Variants in ENPEP observed in about 807,000 individuals in gnomAD.
ENPEP encodes glutamyl aminopeptidase.
A neutral mutation model predicts 114.5 loss-of-function variants in ENPEP; 103 were observed. The observed-to-expected ratio is 0.90, with a 90% confidence interval of 0.77 to 1.06. The LOEUF (loss-of-function observed/expected upper bound fraction) is 1.06, where lower values mean the gene tolerates loss of function less well. Ranked by LOEUF, ENPEP falls within the 50% of genes least tolerant of loss-of-function variation. ENPEP has a pLI of 0.00. For synonymous variants in ENPEP, 420 were observed against 422.0 expected (o/e 1.00, Z 0.06); for missense variants, 1,196 against 1,161.3 (o/e 1.03, Z -0.43).
At chr4:110,546,457 G>A (rs1727062245) in intron 13 of ENPEP, among the ~76,000 whole-genome samples, 3 of 152,056 alleles carry the variant, frequency 2.0e-5, no homozygotes, top group South Asian at 4.2e-4. Flanking sequence ...AGAGTATGCT[G>A]GCTGACAAGG....
intron 6 of ENPEP, 50 bp from the exon 7 acceptor site, chr4:110,513,365 A>G: frequency 6.4e-7 from 1 of 1,558,670 alleles, no homozygotes; most frequent in Non-Finnish European, 8.7e-7. Context: ...TAGTTTATAA[A>G]CTAGTATAAA....
chr4:110,541,990 A>G (rs1316965968), intron 11 of ENPEP, among the ~76,000 whole-genome samples: 2 of 152,162 alleles, frequency 1.3e-5, no homozygotes, highest in East Asian at 1.9e-4. Context: ...TCTAAAATCT[A>G]TACAATAGAG....
chr4:110,490,072 G>T (rs1724647785), intron 2 of ENPEP, among the ~76,000 whole-genome samples: 1 of 152,056 alleles, frequency 6.6e-6, no homozygotes, highest in Non-Finnish European at 1.5e-5. Flanking sequence ...GATGAAGGTG[G>T]GGGGAAAAAA....
At chr4:110,491,809 C>T (rs148994611) in intron 3 of ENPEP, among the ~76,000 whole-genome samples, 1,808 of 151,140 alleles carry the variant, frequency 0.012, 31 homozygotes, top group African/African-American at 0.042. Context: ...CAACCTCCAC[C>T]TCCCGGGTTC....
chr4:110,561,339 G>C, intron 19 of ENPEP, 67 bp from the exon 20 acceptor site: 1 of 1,542,412 alleles, frequency 6.5e-7, no homozygotes, highest in South Asian at 1.2e-5. Context: ...TCCAGTTTGT[G>C]AATGAAATTC....
At chr4:110,541,954 A>C (rs983878044) in intron 11 of ENPEP, among the ~76,000 whole-genome samples, 6 of 152,172 alleles carry the variant, frequency 3.9e-5, no homozygotes, top group Non-Finnish European at 8.8e-5. Flanking sequence ...CTAAAACATA[A>C]GTCTCTGCTC....
rs1578391518 is a variant in ENPEP at position 110,488,688 on chromosome 4, T to A, written c.786+6T>A. On this transcript the variant is annotated splice_donor_region_variant and intron_variant, in intron 2 of 19. Coordinates refer to ENST00000265162, the MANE Select transcript of ENPEP (RefSeq NM_001977.4). ...TTTCAAATATGCCAGTGGCGGTAAG[T>A]ATTTTTTAAATGTTTTGTTTATGCA... The A allele has an allele frequency of 6.2e-7, 1 of 1,605,298 alleles. No homozygotes were observed. The highest frequency in any genetic ancestry group is 8.5e-7 in the Non-Finnish European group (1 of 1,177,434).
chr4:110,546,699 GA>G (rs1277877111), intron 13 of ENPEP, among the ~76,000 whole-genome samples: 1 of 152,036 alleles, frequency 6.6e-6, no homozygotes, highest in South Asian at 2.1e-4. Flanking sequence ...TTGCAGAGAT[GA>G]CCAGAGAACA....
chr4:110,533,021 A>C (rs1726465422), intron 11 of ENPEP: 1 of 425,946 alleles, frequency 2.3e-6, no homozygotes, highest in Non-Finnish European at 4.7e-6. Flanking sequence ...TTAGAATTCC[A>C]CTGGAAGGTT....
At chr4:110,553,597 C>A (rs1048613742) in intron 18 of ENPEP, 142 bp downstream of exon 18, 3 of 786,912 alleles carry the variant, frequency 3.8e-6, no homozygotes, top group Non-Finnish European at 5.5e-6. Flanking sequence ...ATGGTATTAT[C>A]CTTCCAGGGA....
intron 3 of ENPEP, among the ~76,000 whole-genome samples, chr4:110,503,670 G>A (rs1016361409): frequency 2.6e-5 from 4 of 152,162 alleles, no homozygotes; most frequent in Admixed American, 2.6e-4. Context: ...TCTCATCTGT[G>A]TGGGCTGACT....
intron 3 of ENPEP, among the ~76,000 whole-genome samples, chr4:110,499,539 C>A (rs568082570): frequency 1.6e-4 from 24 of 152,154 alleles, no homozygotes; most frequent in African/African-American, 5.8e-4. Flanking sequence ...ACCCTCATGG[C>A]CAGTTGTATG....
intron 1 of ENPEP, among the ~76,000 whole-genome samples, chr4:110,480,760 A>G (rs1186464175): frequency 2.0e-5 from 3 of 152,220 alleles, no homozygotes; most frequent in African/African-American, 7.2e-5. Flanking sequence ...TTAGAATTCC[A>G]CATTGTCTTT....
chr4:110,543,053 T>G lies in ENPEP; in HGVS notation c.1983T>G (p.Asp661Glu). Residue 661 changes from aspartate to glutamate, a missense_variant, in exon 13 of 20, where the codon GAT becomes GAG. Physicochemically the swap from Asp to Glu is conservative, Grantham distance 45 (BLOSUM62 2). Coordinates refer to ENST00000265162, the MANE Select transcript of ENPEP (RefSeq NM_001977.4). ...SSADRASLID[D>E]AFALARAQLL... ...CAGATCGTGCAAGTCTTATTGATGA[T>G]GCTTTTGCCTTGGCAAGGTGCGTTT... The G allele has an allele frequency of 6.2e-7, 1 of 1,613,208 alleles. No homozygotes were observed.
chr4:110,509,559 A>C, intron 4 of ENPEP, 94 bp from the exon 5 acceptor site: 4 of 1,462,528 alleles, frequency 2.7e-6, no homozygotes, highest in Non-Finnish European at 3.7e-6. Context: ...TTAGGCTTTT[A>C]AAAAACATTC....
At chr4:110,540,049 A>G (rs1356530997) in intron 11 of ENPEP, among the ~76,000 whole-genome samples, 1 of 152,146 alleles carries the variant, frequency 6.6e-6, no homozygotes, top group Admixed American at 6.6e-5. Flanking sequence ...TTCTAGAAAG[A>G]GCTCCTACTC....
intron 6 of ENPEP, chr4:110,512,615 G>A (rs1481629682): frequency 6.6e-6 from 1 of 152,158 alleles, no homozygotes; most frequent in Non-Finnish European, 1.5e-5. Context: ...TAGTGATTTA[G>A]CAGAGTTAGA....
intron 8 of ENPEP, among the ~76,000 whole-genome samples, chr4:110,518,523 C>T (rs1239038823): frequency 6.6e-6 from 1 of 152,164 alleles, no homozygotes; most frequent in Non-Finnish European, 1.5e-5. Context: ...TATTCAAAAG[C>T]ACTAATCTAG....
chr4:110,501,705 C>T (rs368030723), intron 3 of ENPEP, among the ~76,000 whole-genome samples: 3 of 152,092 alleles, frequency 2.0e-5, no homozygotes, highest in East Asian at 3.8e-4. Context: ...AAGTTGATTC[C>T]ATCCACGTCT....
Sources: allele counts gnomAD v4.1 joint callset (sites outside exome capture counted in the v4.1 genomes callset), GRCh38; gene constraint gnomAD v4.1.1; transcripts MANE v1.5; gene names NCBI Gene and HGNC (gene_info 2026-07-23, HGNC 2026-07-21).